Variants in LRRFIP1 observed in about 807,000 individuals in gnomAD.
LRRFIP1 encodes the protein leucine-rich repeat flightless-interacting protein 1.
In LRRFIP1, 62 loss-of-function variants were observed where a neutral mutation model predicts 104.4. The observed-to-expected ratio is 0.59, with a 90% CI of 0.48 to 0.73. The LOEUF (loss-of-function observed/expected upper bound fraction) is 0.73. Ranked by LOEUF, LRRFIP1 falls within the 30% of genes least tolerant of loss-of-function variation. The pLI is 0.00. For synonymous variants in LRRFIP1, 300 were observed against 299.0 expected, an observed-to-expected ratio of 1.00 and a Z score of -0.03; for missense variants, 796 against 824.5, an observed-to-expected ratio of 0.97 and a Z score of 0.42.
chr2:237,776,455 T>C (rs1053812298), intron 23 of LRRFIP1, among the ~76,000 whole-genome samples: 4 of 152,360 alleles, frequency 2.6e-5, no homozygotes, highest in African/African-American at 9.6e-5. Context: ...CTGATCAAAC[T>C]TGTGAAGTGT....
intron 10 of LRRFIP1, among the ~76,000 whole-genome samples, chr2:237,737,769 CTTGTATATCTCAAATGTGGCA>C (rs1194656613): frequency 7.2e-5 from 11 of 152,190 alleles, no homozygotes; most frequent in African/African-American, 2.7e-4. Context: ...TGGTGATTTT[CTTGTATATCTCAAATGTGGCA>C]TTGATGCTTT....
intron 1 of LRRFIP1, among the ~76,000 whole-genome samples, chr2:237,693,466 T>C (rs2092954752): frequency 6.6e-6 from 1 of 152,200 alleles, no homozygotes. Flanking sequence ...GTTCTTTGCT[T>C]GTCAGATGGT....
At chr2:237,650,740 A>G (rs528887209) in intron 1 of LRRFIP1, among the ~76,000 whole-genome samples, 1 of 152,350 alleles carries the variant, frequency 6.6e-6, no homozygotes, top group East Asian at 1.9e-4. Flanking sequence ...TGCATTCTGT[A>G]TGCCTTCTGC....
Position 237,720,832 on chromosome 2 carries a change from C to G in LRRFIP1, c.345+10C>G, listed in dbSNP as rs376919660. The G allele has an allele frequency of 6.2e-7, 1 of 1,613,418 alleles. No homozygotes were observed. The highest frequency in any genetic ancestry group is 8.5e-7 in the Non-Finnish European group (1 of 1,179,462). On this transcript the variant is annotated intron_variant, in intron 6 of 23. Coordinates refer to ENST00000308482, the MANE Select transcript of LRRFIP1 (RefSeq NM_001137550.2). The stretch of plus-strand genomic sequence containing the variant: ...TCGTGGAAGCCTGAGGGTCAGTAAC[C>G]AGAATGATGGAGTTTGCATGGCACA...
intron 1 of LRRFIP1, among the ~76,000 whole-genome samples, chr2:237,677,671 T>C (rs553325370): frequency 6.6e-6 from 1 of 152,286 alleles, no homozygotes; most frequent in South Asian, 2.1e-4. Context: ...ATGTGAATTA[T>C]TTGAAGTTTC....
intron 1 of LRRFIP1, among the ~76,000 whole-genome samples, chr2:237,680,734 C>T (rs116560542): frequency 0.014 from 2,194 of 152,304 alleles, 49 homozygotes; most frequent in African/African-American, 0.049. Flanking sequence ...GTAATCCCAG[C>T]GCTTTGGGAG....
chr2:237,632,085 T>C (rs2082421259), intron 1 of LRRFIP1, among the ~76,000 whole-genome samples: 1 of 149,662 alleles, frequency 6.7e-6, no homozygotes, highest in Admixed American at 6.8e-5. Context: ...GCCTTTCACT[T>C]GAGCCACGGC....
intron 2 of LRRFIP1, among the ~76,000 whole-genome samples, chr2:237,710,283 C>CTT (rs1036883484): frequency 2.6e-4 from 39 of 148,052 alleles, no homozygotes; most frequent in African/African-American, 9.4e-4. Flanking sequence ...TGATTGTATC[C>CTT]TTTTTTTTTT....
At chr2:237,659,082 A>G (rs781004921) in intron 1 of LRRFIP1, among the ~76,000 whole-genome samples, 1 of 64,972 alleles carries the variant, frequency 1.5e-5, no homozygotes, top group Non-Finnish European at 3.7e-5. Flanking sequence ...AAGATAAGTT[A>G]TTATTATTAT....
At chr2:237,681,775 G>T (rs2091865266) in intron 1 of LRRFIP1, among the ~76,000 whole-genome samples, 1 of 135,014 alleles carries the variant, frequency 7.4e-6, no homozygotes, top group African/African-American at 2.7e-5. Context: ...CGCCTCCCGG[G>T]TTCACGCCAT....
intron 1 of LRRFIP1, among the ~76,000 whole-genome samples, chr2:237,704,330 T>C (rs2093699034): frequency 6.6e-6 from 1 of 151,904 alleles, no homozygotes; most frequent in African/African-American, 2.4e-5. Flanking sequence ...TTTTTTGTAT[T>C]TTTAGTAGAG....
At chr2:237,770,150 A>G (rs908996030) in intron 20 of LRRFIP1, 158 bp downstream of exon 20, 1 of 622,702 alleles carries the variant, frequency 1.6e-6, no homozygotes, top group Non-Finnish European at 2.9e-6. Context: ...TCCAAATAGA[A>G]CATCAAAGTT....
At chr2:237,771,714 G>A (rs944780944) in intron 20 of LRRFIP1, among the ~76,000 whole-genome samples, 2 of 152,058 alleles carry the variant, frequency 1.3e-5, no homozygotes, top group Non-Finnish European at 1.5e-5. Flanking sequence ...GACTTTTGGG[G>A]GACTTAATTA....
chr2:237,701,854 T>C (rs960017374), intron 1 of LRRFIP1, among the ~76,000 whole-genome samples: 1 of 152,160 alleles, frequency 6.6e-6, no homozygotes, highest in Non-Finnish European at 1.5e-5. Context: ...ATGGGGATGG[T>C]GACTTCTTCA....
intron 1 of LRRFIP1, among the ~76,000 whole-genome samples, chr2:237,698,570 C>T (rs1405032720): frequency 1.3e-5 from 2 of 152,248 alleles, no homozygotes; most frequent in African/African-American, 2.4e-5. Flanking sequence ...CAGGAGCAGC[C>T]TTGTAAGCTA....
intron 1 of LRRFIP1, among the ~76,000 whole-genome samples, chr2:237,665,537 G>T (rs1025454655): frequency 1.3e-5 from 2 of 151,942 alleles, no homozygotes; most frequent in African/African-American, 4.8e-5. Context: ...TTAAAATTGG[G>T]GTTTTATTCT....
chr2:237,749,992 T>G (rs1406362943), intron 13 of LRRFIP1, among the ~76,000 whole-genome samples: 1 of 152,188 alleles, frequency 6.6e-6, no homozygotes, highest in African/African-American at 2.4e-5. Flanking sequence ...ACTAGACCTG[T>G]GTCCTCCAGG....
At position 237,703,858 on chromosome 2, in the gene LRRFIP1, G is replaced by A. The variant is rs2093666901; in HGVS notation, c.97-4686G>A. On this transcript the variant is annotated intron_variant, in intron 1 of 23. Coordinates refer to ENST00000308482, the MANE Select transcript of LRRFIP1 (RefSeq NM_001137550.2). The surrounding 1 kb of genome is among the most constrained non-coding windows in gnomAD (Gnocchi z 4.3). ...ATTCCTGTGGCCTCCCCGGGCCACG[G>A]TCAGCCCACAGGCTACTCACAGAAA... Among the ~76,000 whole-genome samples the A allele has an allele frequency of 6.6e-6, 1 of 152,128 alleles. No individual in the cohort carries two copies. The highest frequency in any genetic ancestry group is 1.5e-5 in the Non-Finnish European group (1 of 68,028).
intron 5 of LRRFIP1, among the ~76,000 whole-genome samples, chr2:237,720,002 C>T (rs1250088512): frequency 7.4e-6 from 1 of 135,422 alleles, no homozygotes; most frequent in Admixed American, 8.3e-5. Context: ...GGCTAGAATG[C>T]AGTGGTGCGG....
Sources: gnomAD v4.1 joint callset for allele counts (sites outside exome capture counted in the v4.1 genomes callset) on GRCh38, gnomAD v4.1.1 for gene constraint, Gnocchi (gnomAD v3.1) non-coding constraint, MANE v1.5 for transcripts, NCBI Gene and HGNC (gene_info 2026-07-23, HGNC 2026-07-21) for gene names.